SNX8: variants seen among roughly 807,000 people sequenced by gnomAD.
SNX8 encodes the protein sorting nexin-8.
A neutral mutation model predicts 51.6 loss-of-function variants in SNX8; 25 were observed. The observed-to-expected ratio is 0.48, with a 90% CI of 0.35 to 0.68. SNX8 has a LOEUF of 0.68. Ranked by LOEUF, SNX8 falls within the 30% of genes least tolerant of loss-of-function variation. The probability of loss-of-function intolerance (pLI) is 0.00; values close to 1 mark genes in which losing one functional copy is unlikely to be tolerated. For missense variants in SNX8, 695 were observed against 624.0 expected, an observed-to-expected ratio of 1.11 and a Z score of -1.21; for synonymous variants, 324 against 277.0, an observed-to-expected ratio of 1.17 and a Z score of -1.68.
At chr7:2,259,027 C>G (rs897519351) in intron 7 of SNX8, among the ~76,000 whole-genome samples, 4 of 152,180 alleles carry the variant, frequency 2.6e-5, no homozygotes, top group African/African-American at 9.7e-5. Flanking sequence ...GGTGGGGGCG[C>G]AGGCCAGGCA....
intron 6 of SNX8, 50 bp downstream of exon 6, chr7:2,264,248 G>A: frequency 6.4e-7 from 1 of 1,559,654 alleles, no homozygotes; most frequent in Non-Finnish European, 8.7e-7. Context: ...CACCAGCATG[G>A]ATTCCCGTCC....
In SNX8 at chr7:2,292,109, C is replaced by T. The variant is rs148075400; in HGVS notation, c.95-13804G>A. On this transcript the variant is annotated intron_variant, in intron 1 of 10. Coordinates refer to ENST00000222990, the MANE Select transcript of SNX8 (RefSeq NM_013321.4). Reference sequence around the variant, plus strand: ...TGAAACCCTGTCTCTACTAAAAATACGAAATTAGCCAGGCGTGGTGGTGCA... The same window carrying T: ...TGAAACCCTGTCTCTACTAAAAATATGAAATTAGCCAGGCGTGGTGGTGCA... Among the ~76,000 whole-genome samples the T allele has an allele frequency of 6.8e-3, 1,036 of 152,134 alleles. 8 individuals carry two copies. Among genetic ancestry groups the T allele is most frequent in the South Asian group, 0.043 (205 of 4,818 alleles).
chr7:2,283,811 G>T (rs1287193304), intron 1 of SNX8, among the ~76,000 whole-genome samples: 1 of 152,108 alleles, frequency 6.6e-6, no homozygotes, highest in African/African-American at 2.4e-5. Context: ...TTTTTTGGAG[G>T]GGGTGCCGGA....
chr7:2,331,774 G>A (rs577880848), intron 1 of SNX8, among the ~76,000 whole-genome samples: 7 of 151,916 alleles, frequency 4.6e-5, no homozygotes, highest in Non-Finnish European at 8.8e-5. Context: ...CAGATACTCC[G>A]CAGGCTGAGG....
At chr7:2,284,613 C>T (rs544546680) in intron 1 of SNX8, among the ~76,000 whole-genome samples, 3 of 151,402 alleles carry the variant, frequency 2.0e-5, no homozygotes, top group South Asian at 4.2e-4. Flanking sequence ...ACCACGTTGG[C>T]CAGGCTGGTC....
At chr7:2,326,258 G>A (rs1202511657) in intron 1 of SNX8, among the ~76,000 whole-genome samples, 2 of 152,080 alleles carry the variant, frequency 1.3e-5, no homozygotes, top group African/African-American at 2.4e-5. Context: ...CTAGTTACTT[G>A]GGAGGCTGAG....
At chr7:2,336,349 G>A (rs989680427) in intron 1 of SNX8, among the ~76,000 whole-genome samples, 8 of 151,660 alleles carry the variant, frequency 5.3e-5, no homozygotes, top group Admixed American at 1.3e-4. Context: ...GCAGTGAGCC[G>A]AGATCGTGCC....
intron 1 of SNX8, among the ~76,000 whole-genome samples, chr7:2,346,724 C>G (rs1393071651): frequency 4.3e-4 from 48 of 110,518 alleles, no homozygotes; most frequent in African/African-American, 1.5e-3. Context: ...CCAGCCTGGG[C>G]TGGACTCCGT....
chr7:2,265,332 T>C (rs909239521), intron 5 of SNX8, among the ~76,000 whole-genome samples: 2 of 150,654 alleles, frequency 1.3e-5, no homozygotes, highest in African/African-American at 4.9e-5. Flanking sequence ...AGAGCGAGAC[T>C]CCGTCTCAAA....
chr7:2,313,663 G>C (rs1584733532), intron 1 of SNX8, among the ~76,000 whole-genome samples: 1 of 151,498 alleles, frequency 6.6e-6, no homozygotes, highest in African/African-American at 2.4e-5. Context: ...AGAAGCTCCA[G>C]ACCAGCCTGG....
At chr7:2,325,594 G>A (rs1778609096) in intron 1 of SNX8, among the ~76,000 whole-genome samples, 2 of 152,078 alleles carry the variant, frequency 1.3e-5, no homozygotes, top group African/African-American at 4.8e-5. Context: ...TTGGGAGGCT[G>A]AGGTGGGCGG....
At chr7:2,316,789 CCACTCACT>C (rs1169497062), upstream of SNX8, among the ~76,000 whole-genome samples, 1 of 151,024 alleles carries the variant, frequency 6.6e-6, no homozygotes, top group Admixed American at 6.6e-5. Context: ...ATCCACCCAC[CCACTCACT>C]CACTCACTCA....
At chr7:2,264,115 A>G (rs967688247) in intron 6 of SNX8, among the ~76,000 whole-genome samples, 183 bp downstream of exon 6, 2 of 152,074 alleles carry the variant, frequency 1.3e-5, no homozygotes, top group Non-Finnish European at 2.9e-5. Flanking sequence ...TCAGGGCCGA[A>G]ATTCTCCCGT....
At chr7:2,277,173 A>G (rs1329924690) in intron 2 of SNX8, among the ~76,000 whole-genome samples, 1 of 152,162 alleles carries the variant, frequency 6.6e-6, no homozygotes, top group East Asian at 1.9e-4. Context: ...CAGGATGAAC[A>G]ATGAAAACTC....
intron 1 of SNX8, among the ~76,000 whole-genome samples, chr7:2,307,571 G>A (rs1329305808): frequency 1.4e-5 from 2 of 147,682 alleles, no homozygotes; most frequent in African/African-American, 2.5e-5. Flanking sequence ...GGCGGAGGGT[G>A]CAGTGTGCCG....
intron 1 of SNX8, among the ~76,000 whole-genome samples, chr7:2,335,274 T>C (rs931159616): frequency 2.0e-5 from 3 of 151,824 alleles, no homozygotes; most frequent in African/African-American, 7.3e-5. Context: ...ATAAACAAAT[T>C]GTTCTATGCT....
intron 1 of SNX8, among the ~76,000 whole-genome samples, chr7:2,335,849 G>C (rs998302704): frequency 2.7e-5 from 4 of 147,870 alleles, no homozygotes; most frequent in Non-Finnish European, 6.0e-5. Flanking sequence ...GGCAAAACTT[G>C]ATGGAATTTC....
rs1428517320 is a variant in SNX8 at position 2,255,086 on chromosome 7, G to A, written c.1368C>T (p.Ser456=). 1 of 1,578,574 alleles carries A rather than the reference G, an allele frequency of 6.3e-7. No homozygotes were observed. Among genetic ancestry groups the A allele is most frequent in the Non-Finnish European group, 8.6e-7 (1 of 1,162,872 alleles). ...GPHSTLTPPC[S]PPEDGLCPH ...GAGGACACAGGCCGTCCTCCGGCGG[G>A]GAGCACGGTGGGGTCAGGGTGCTGT... Residue 456 remains serine (S), a synonymous_variant, in exon 11 of 11, where the codon TCC becomes TCT. Coordinates refer to ENST00000222990, the MANE Select transcript of SNX8 (RefSeq NM_013321.4).
At chr7:2,271,200 T>C (rs977950186) in intron 4 of SNX8, among the ~76,000 whole-genome samples, 1 of 152,254 alleles carries the variant, frequency 6.6e-6, no homozygotes, top group Non-Finnish European at 1.5e-5. Context: ...TGCACCACCA[T>C]GCCTGGCCTC....
Sources: gnomAD v4.1 joint callset for allele counts (sites outside exome capture counted in the v4.1 genomes callset) on GRCh38, gnomAD v4.1.1 for gene constraint, MANE v1.5 for transcripts, NCBI Gene and HGNC (gene_info 2026-07-23, HGNC 2026-07-21) for gene names.